Variants in USP48 observed in about 807,000 individuals in gnomAD.
USP48 encodes the protein ubiquitin carboxyl-terminal hydrolase 48.
Under a neutral mutation model 150.7 loss-of-function variants are expected in USP48, and 43 were observed. That is an observed-to-expected ratio of 0.29 (90% CI 0.22 to 0.37). The LOEUF (loss-of-function observed/expected upper bound fraction) is 0.37. Ranked by LOEUF, USP48 falls within the 10% of genes least tolerant of loss-of-function variation. The pLI, the probability that USP48 is intolerant of heterozygous loss-of-function variation, is 1.00. For missense variants in USP48, 813 were observed against 1,249.6 expected (o/e 0.65, Z 5.27); for synonymous variants, 396 against 425.9 (o/e 0.93, Z 0.86).
chr1:21,740,250 A>G (rs2097778470), intron 8 of USP48, among the ~76,000 whole-genome samples: 1 of 152,230 alleles, frequency 6.6e-6, no homozygotes, highest in Non-Finnish European at 1.5e-5. Flanking sequence ...TTCACATAGC[A>G]CAATGTCCTC....
At chr1:21,702,766 T>G (rs1571768995) in intron 21 of USP48, among the ~76,000 whole-genome samples, 1 of 152,334 alleles carries the variant, frequency 6.6e-6, no homozygotes, top group East Asian at 1.9e-4. Context: ...AGGGTAGCCA[T>G]TAGCCACATG....
chr1:21,703,723 A>G (rs932082756), intron 20 of USP48, 105 bp from the exon 21 acceptor site: 1 of 889,086 alleles, frequency 1.1e-6, no homozygotes, highest in Non-Finnish European at 1.8e-6. Flanking sequence ...AATATTCATT[A>G]AACTCTTAGT....
At chr1:21,728,372 A>G (rs2097745596) in intron 11 of USP48, 198 bp downstream of exon 11, 11 of 1,311,562 alleles carry the variant, frequency 8.4e-6, no homozygotes, top group Non-Finnish European at 1.1e-5. Context: ...CATTTTTAGG[A>G]GTACAACGTA....
chr1:21,765,574 G>C (rs950489575), intron 1 of USP48, among the ~76,000 whole-genome samples: 1 of 149,484 alleles, frequency 6.7e-6, no homozygotes, highest in Non-Finnish European at 1.5e-5. Context: ...CCGAGATCAC[G>C]CCACTGCACT....
rs555430963 is a variant in USP48 at position 21,765,742 on chromosome 1, C to T, written c.135-7959G>A. 4.5e-4 allele frequency among the ~76,000 whole-genome samples: 68 copies of T among 151,538 alleles called. No individual in the cohort carries two copies. The South Asian group carries it at 0.012, about 28-fold the overall frequency. ...GAGGTCTTAAAAAGCCAATTTAGGC[C>T]GGGTGTGGTGGCTCACACCCGTAAT... On this transcript the variant is annotated intron_variant, in intron 1 of 26. Transcript: ENST00000308271.
intron 22 of USP48, among the ~76,000 whole-genome samples, chr1:21,696,593 G>A (rs1020859878): frequency 3.9e-5 from 6 of 152,140 alleles, no homozygotes; most frequent in African/African-American, 1.4e-4. Flanking sequence ...GGGTATTAGA[G>A]GACATTAGGG....
intron 1 of USP48, among the ~76,000 whole-genome samples, chr1:21,779,439 C>A (rs1045139620): frequency 6.6e-6 from 1 of 151,498 alleles, no homozygotes; most frequent in Non-Finnish European, 1.5e-5. Flanking sequence ...CCCAGTGACT[C>A]AGAGGCTGAG....
intron 21 of USP48, among the ~76,000 whole-genome samples, chr1:21,702,225 G>T (rs1259742892): frequency 1.3e-5 from 2 of 152,106 alleles, no homozygotes; most frequent in African/African-American, 4.8e-5. Flanking sequence ...TTGTAAAGCA[G>T]AACCCTTGGC....
chr1:21,778,301 G>C (rs764189026), intron 1 of USP48, among the ~76,000 whole-genome samples: 1 of 152,082 alleles, frequency 6.6e-6, no homozygotes, highest in Non-Finnish European at 1.5e-5. Context: ...AACGTGATTA[G>C]TCATCAATGA....
intron 15 of USP48, among the ~76,000 whole-genome samples, chr1:21,714,602 A>C (rs937846852): frequency 6.6e-6 from 1 of 152,242 alleles, no homozygotes; most frequent in African/African-American, 2.4e-5. Flanking sequence ...CTTATGAAGT[A>C]GAAAGCTTTG....
intron 6 of USP48, among the ~76,000 whole-genome samples, chr1:21,748,549 C>A (rs2097801169): frequency 6.6e-6 from 1 of 152,236 alleles, no homozygotes; most frequent in Non-Finnish European, 1.5e-5. Flanking sequence ...GGTAATCCCA[C>A]TTCTGGGAAT....
chr1:21,706,360 A>G, intron 17 of USP48, 107 bp downstream of exon 17: 1 of 1,549,650 alleles, frequency 6.5e-7, no homozygotes, highest in Non-Finnish European at 8.8e-7. Context: ...TAACTAAACA[A>G]ATGAGAATAT....
intron 3 of USP48, among the ~76,000 whole-genome samples, chr1:21,754,697 T>A (rs2097826955): frequency 6.6e-6 from 1 of 152,138 alleles, no homozygotes; most frequent in African/African-American, 2.4e-5. Flanking sequence ...CTAACAGTAG[T>A]CAGCAGCTTA....
At chr1:21,718,190 CAT>C (rs2097709938) in intron 14 of USP48, among the ~76,000 whole-genome samples, 1 of 152,116 alleles carries the variant, frequency 6.6e-6, no homozygotes. Context: ...TCTGTGTGTA[CAT>C]AGTCATGTAA....
chr1:21,751,053 G>T (rs2097811414), intron 6 of USP48, among the ~76,000 whole-genome samples: 3 of 152,068 alleles, frequency 2.0e-5, no homozygotes. Flanking sequence ...GACAACAAAG[G>T]GTTCCTCTTA....
intron 24 of USP48, among the ~76,000 whole-genome samples, chr1:21,689,216 G>GT (rs2097589304): frequency 3.7e-5 from 5 of 133,484 alleles, no homozygotes; most frequent in Non-Finnish European, 3.3e-5. Context: ...CCCATTTTTT[G>GT]CTTTTTTTTT....
rs183741524 is a variant in USP48 at position 21,752,843 on chromosome 1, A to G, written c.540+149T>C. ...ATAAATGGAATCAAGTATAATGTGT[A>G]AACTATTGGACAGTAAATAAAGGTT... On this transcript the variant is annotated intron_variant, in intron 4 of 26. Coordinates refer to ENST00000308271, the MANE Select transcript of USP48 (RefSeq NM_032236.8). 174 of 1,230,526 alleles carry G rather than the reference A, an allele frequency of 1.4e-4. No homozygotes were observed. The East Asian group carries it at 3.8e-3, about 27-fold the overall frequency. 76.2% of individuals were successfully genotyped at this position (1,230,526 alleles called of 1,614,324 possible).
At chr1:21,780,738 A>ATTTTTT (rs34071636) in intron 1 of USP48, among the ~76,000 whole-genome samples, 20 of 117,452 alleles carry the variant, frequency 1.7e-4, no homozygotes, top group South Asian at 6.1e-4. Context: ...AGATAAGATA[A>ATTTTTT]TTTTTTTTTT....
chr1:21,704,304 C>T lies in USP48; in HGVS notation c.2473G>A (p.Gly825Arg). ...TGTGTTTCTGAAGGGTTTACATCTC[C>T]CACTTCAATTCTCGTGATTTTAATT... Reference protein sequence around the residue: ...HVIKITRIEVGDVNPSETQYI... With the variant: ...HVIKITRIEVRDVNPSETQYI... Residue 825 changes from glycine (G) to arginine (R), a missense_variant, in exon 20 of 27, where the codon GGA becomes AGA. Transcript: ENST00000308271. The T allele has an allele frequency of 1.2e-6, 2 of 1,613,750 alleles. No individual in the cohort carries two copies.
Sources: gnomAD v4.1 joint callset for allele counts (sites outside exome capture counted in the v4.1 genomes callset) on GRCh38, gnomAD v4.1.1 for gene constraint, MANE v1.5 for transcripts, NCBI Gene and HGNC (gene_info 2026-07-23, HGNC 2026-07-21) for gene names.